The following PFKFB2 variants were observed in gnomAD, a reference collection of about 807,000 sequenced individuals.
PFKFB2 encodes the protein 6-phosphofructo-2-kinase/fructose-2,6-biphosphatase 2.
A neutral mutation model predicts 68.0 loss-of-function variants in PFKFB2; 53 were observed. The ratio of observed to expected loss-of-function variants is 0.78; its 90% CI spans 0.63 to 0.98. PFKFB2 has a LOEUF of 0.98. PFKFB2 is among the 50% of genes least tolerant of loss of function. The pLI is 0.00. For missense variants in PFKFB2, 451 were observed against 642.0 expected, an observed-to-expected ratio of 0.70 and a Z score of 3.22; for synonymous variants, 222 against 227.6, an observed-to-expected ratio of 0.98 and a Z score of 0.22.
At chr1:207,058,334 G>T (rs371585316) in intron 2 of PFKFB2, among the ~76,000 whole-genome samples, 4 of 152,250 alleles carry the variant, frequency 2.6e-5, no homozygotes, top group Non-Finnish European at 4.4e-5. Flanking sequence ...TCCTGAAAAG[G>T]CTGGGAACCA....
rs1319591293 is a variant in PFKFB2, at chr1:207,068,171, A to G, written c.849A>G (p.Gln283=). 6.2e-7 allele frequency: 1 copy of G among 1,602,900 alleles called. No individual in the cohort carries two copies. Among genetic ancestry groups the G allele is most frequent in the East Asian group, 2.2e-5 (1 of 44,790 alleles). Residue 283 remains glutamine, a synonymous_variant, in exon 10 of 15, where the codon CAA becomes CAG. Transcript: ENST00000367080. ...TCATTTTTAAACCCCAGTTTGCCCAAGCTCTAAGGAAATTTCTGGAGGAAC... is the reference window on the plus strand; with the variant it reads ...TCATTTTTAAACCCCAGTTTGCCCAGGCTCTAAGGAAATTTCTGGAGGAAC... ...GLSVRGKQFA[Q]ALRKFLEEQE...
At chr1:207,071,450 C>T in intron 13 of PFKFB2, 59 bp from the exon 14 acceptor site, 1 of 1,404,504 alleles carries the variant, frequency 7.1e-7, no homozygotes, top group Admixed American at 1.7e-5. Flanking sequence ...TTTCCCATAA[C>T]TAAGGAATTT....
At chr1:207,036,660 A>G (rs1487859862) in intron 1 of PFKFB2, among the ~76,000 whole-genome samples, 4 of 152,136 alleles carry the variant, frequency 2.6e-5, no homozygotes, top group African/African-American at 9.7e-5. Flanking sequence ...TACAAACCTA[A>G]CTTCCTCTGC....
chr1:207,061,922 T>G, intron 2 of PFKFB2, 31 bp from the exon 3 acceptor site: 2 of 1,585,144 alleles, frequency 1.3e-6, no homozygotes, highest in Non-Finnish European at 1.7e-6. Flanking sequence ...ACTCTAGTCA[T>G]TTCGTTTTAT....
chr1:207,065,484 G>A lies in PFKFB2; in HGVS notation c.632+324G>A, dbSNP rs193143600. Among the ~76,000 whole-genome samples the A allele has an allele frequency of 3.3e-3, 501 of 151,930 alleles. 2 individuals are homozygous for A. Among genetic ancestry groups the A allele is most frequent in the African/African-American group, 0.01 (419 of 41,448 alleles). ...TCCCACCTCAGCCTCCTGAGTAGCT[G>A]GGACCACAGGTGTGCGCCACCATGC... is the stretch of plus-strand genomic sequence containing the variant. On this transcript the variant is annotated intron_variant, in intron 8 of 14. Transcript: ENST00000367080.
At position 207,075,216 on chromosome 1, in the gene PFKFB2, T is replaced by G; in HGVS notation, c.*2845T>G. On this transcript the variant is annotated 3_prime_UTR_variant, in exon 15 of 15. Transcript: ENST00000367080. ...AGACAGGTCACTGGGATGTTCATTC[T>G]GGCTCTCAGCCTGCTGTTATTTCCC... 1 of 985,506 alleles carries G rather than the reference T, an allele frequency of 1.0e-6. No homozygotes were observed. The highest frequency in any genetic ancestry group is 1.2e-6 in the Non-Finnish European group (1 of 829,964). 61.0% of individuals were successfully genotyped at this position (985,506 alleles called of 1,614,324 possible).
In PFKFB2 at chr1:207,074,501, C is replaced by T. The variant is rs1683566693; in HGVS notation, c.*2130C>T. On this transcript the variant is annotated 3_prime_UTR_variant, in exon 15 of 15. Transcript: ENST00000367080. ...ACCCTGCCAGGATGATAAAGGTTGTCATCACTGGCAACTGACTCCTGACCC... is the reference window on the plus strand; with the variant it reads ...ACCCTGCCAGGATGATAAAGGTTGTTATCACTGGCAACTGACTCCTGACCC... 2 of 985,376 alleles carry T rather than the reference C, an allele frequency of 2.0e-6. No homozygotes were observed. Among genetic ancestry groups the T allele is most frequent in the African/African-American group, 3.5e-5 (2 of 57,344 alleles). 61.0% of individuals were successfully genotyped at this position (985,376 alleles called of 1,614,324 possible). A position where few individuals can be genotyped will look rare whatever the true frequency, so the allele number is the denominator to read the frequency against.
intron 1 of PFKFB2, among the ~76,000 whole-genome samples, chr1:207,036,429 G>C (rs536866894): frequency 7.2e-5 from 11 of 152,308 alleles, no homozygotes; most frequent in Admixed American, 3.9e-4. Context: ...ATAACTTCAT[G>C]AGTAACAACC....
At chr1:207,078,951 T>C, downstream of PFKFB2, 4 of 1,611,928 alleles carry the variant, frequency 2.5e-6, no homozygotes, top group Non-Finnish European at 3.4e-6. Flanking sequence ...CTCTGGCTCG[T>C]AGGCAGCAGA....
downstream of PFKFB2, chr1:207,080,811 C>T (rs1236804234): frequency 2.6e-5 from 4 of 152,012 alleles, no homozygotes; most frequent in African/African-American, 9.7e-5. Flanking sequence ...ACGTAGATAT[C>T]TGTCTTCTGT....
Position 207,075,749 on chromosome 1 carries a change from A to C in PFKFB2, c.*3378A>C. ...ATATAGTGAGACCTCACCTCTAAAA[A>C]AGTTTTTTATAAATTTACTTGTCTA... is the stretch of plus-strand genomic sequence containing the variant. On this transcript the variant is annotated 3_prime_UTR_variant, in exon 15 of 15. Transcript: ENST00000367080. 1 of 982,186 alleles carries C rather than the reference A, an allele frequency of 1.0e-6. No individual in the cohort carries two copies. The highest frequency in any genetic ancestry group is 1.1e-4 in the East Asian group (1 of 8,812). 60.8% of individuals were successfully genotyped at this position (982,186 alleles called of 1,614,324 possible). A position where few individuals can be genotyped will look rare whatever the true frequency, so the allele number is the denominator to read the frequency against.
At chr1:207,078,812 A>G (rs1683694771), downstream of PFKFB2, 1 of 696,562 alleles carries the variant, frequency 1.4e-6, no homozygotes, top group Admixed American at 2.0e-5. Flanking sequence ...TAGGCACACC[A>G]GTGTGTTCAT....
At chr1:207,069,176 C>G (rs912705514) in intron 10 of PFKFB2, among the ~76,000 whole-genome samples, 3 of 152,132 alleles carry the variant, frequency 2.0e-5, no homozygotes, top group Non-Finnish European at 4.4e-5. Flanking sequence ...AAGTTCCCCC[C>G]AGTAGTAGGA....
In PFKFB2 at chr1:207,073,792, C is replaced by G; in HGVS notation, c.*1421C>G. On this transcript the variant is annotated 3_prime_UTR_variant, in exon 15 of 15. Coordinates refer to ENST00000367080, the MANE Select transcript of PFKFB2 (RefSeq NM_006212.2). ...CCCTTGATGACCATGATGGCTTATT[C>G]TCTTTCCCAATTTTGCATGCAAAAT... The G allele has an allele frequency of 1.0e-6, 1 of 985,184 alleles. No individual in the cohort carries two copies. The highest frequency in any genetic ancestry group is 1.2e-6 in the Non-Finnish European group (1 of 829,744). 61.0% of individuals were successfully genotyped at this position (985,184 alleles called of 1,614,324 possible).
Position 207,072,930 on chromosome 1 carries a change from G to A in PFKFB2, c.*559G>A, listed in dbSNP as rs192590868. The A allele has an allele frequency of 1.2e-4, 120 of 985,656 alleles. No individual in the cohort carries two copies. Among genetic ancestry groups the A allele is most frequent in the African/African-American group, 6.6e-4 (38 of 57,340 alleles). 61.1% of individuals were successfully genotyped at this position (985,656 alleles called of 1,614,324 possible). A position where few individuals can be genotyped will look rare whatever the true frequency, so the allele number is the denominator to read the frequency against. ...TGTGGTGTCTGTCTAGGAAGGAAGG[G>A]GTGATTGACAAGAGACAAGTCTGGC... On this transcript the variant is annotated 3_prime_UTR_variant, in exon 15 of 15. Coordinates refer to ENST00000367080, the MANE Select transcript of PFKFB2 (RefSeq NM_006212.2).
chr1:207,050,527 G>A (rs879496979), upstream of PFKFB2, among the ~76,000 whole-genome samples: 1 of 152,120 alleles, frequency 6.6e-6, no homozygotes, highest in African/African-American at 2.4e-5. Flanking sequence ...CACTTGCCCT[G>A]GCCCCCGTCA....
intron 10 of PFKFB2, 115 bp from the exon 11 acceptor site, chr1:207,069,309 A>G: frequency 8.5e-6 from 6 of 709,438 alleles, no homozygotes; most frequent in South Asian, 3.4e-5. Flanking sequence ...GACCCAGCAC[A>G]GTGCCTGGCA....
At position 207,074,600 on chromosome 1, in the gene PFKFB2, C is replaced by T; in HGVS notation, c.*2229C>T. The T allele has an allele frequency of 1.0e-6, 1 of 985,376 alleles. No homozygotes were observed. The highest frequency in any genetic ancestry group is 1.2e-6 in the Non-Finnish European group (1 of 829,928). The allele number at this position is 985,376 out of a possible 1,614,324, so 61.0% of individuals were successfully genotyped here. A position where few individuals can be genotyped will look rare whatever the true frequency, so the allele number is the denominator to read the frequency against. On this transcript the variant is annotated 3_prime_UTR_variant, in exon 15 of 15. Coordinates refer to ENST00000367080, the MANE Select transcript of PFKFB2 (RefSeq NM_006212.2). Reference sequence around the variant, plus strand: ...AAAGGCTGCTTACCTAGATTCTTCTCAAAATTGTGTCCAAGATGTTAAGTA... The same window carrying T: ...AAAGGCTGCTTACCTAGATTCTTCTTAAAATTGTGTCCAAGATGTTAAGTA...
chr1:207,078,879 G>T, downstream of PFKFB2: 1 of 1,241,230 alleles, frequency 8.1e-7, no homozygotes, highest in Non-Finnish European at 1.2e-6. Context: ...GTAGGGGAAG[G>T]ATTCTGTTCT....
Sources: gnomAD v4.1 joint callset for allele counts (sites outside exome capture counted in the v4.1 genomes callset) on GRCh38, gnomAD v4.1.1 for gene constraint, MANE v1.5 for transcripts, NCBI Gene and HGNC (gene_info 2026-07-23, HGNC 2026-07-21) for gene names.